CNTNAP2: variants seen among roughly 807,000 people sequenced by gnomAD.
The protein encoded by CNTNAP2 is contactin associated protein 2.
A neutral mutation model predicts 155.2 loss-of-function variants in CNTNAP2; 98 were observed. The ratio of observed to expected loss-of-function variants is 0.63; its 90% CI spans 0.54 to 0.75. The LOEUF (loss-of-function observed/expected upper bound fraction) is 0.75, where lower values mean the gene tolerates loss of function less well. Ranked by LOEUF, CNTNAP2 falls within the 30% of genes least tolerant of loss-of-function variation. The probability of loss-of-function intolerance (pLI) is 0.00; values close to 1 mark genes in which losing one functional copy is unlikely to be tolerated. For synonymous variants in CNTNAP2, 651 were observed against 631.2 expected, an observed-to-expected ratio of 1.03 and a Z score of -0.47; for missense variants, 1,727 against 1,688.1, an observed-to-expected ratio of 1.02 and a Z score of -0.40.
intron 14 of CNTNAP2, among the ~76,000 whole-genome samples, chr7:147,944,457 C>G (rs1248933894): frequency 6.6e-6 from 1 of 152,210 alleles, no homozygotes; most frequent in Admixed American, 6.5e-5. Flanking sequence ...GCATTTCCTG[C>G]TTCTCACAAG....
At chr7:147,143,550 T>C (rs1232023108) in intron 8 of CNTNAP2, among the ~76,000 whole-genome samples, 1 of 152,168 alleles carries the variant, frequency 6.6e-6, no homozygotes, top group East Asian at 1.9e-4. Context: ...TATGGCATGT[T>C]TCTAGATATC....
At chr7:148,364,495 G>A (rs189514971) in intron 21 of CNTNAP2, among the ~76,000 whole-genome samples, 5 of 152,080 alleles carry the variant, frequency 3.3e-5, no homozygotes, top group East Asian at 1.9e-4. Context: ...TACACCAATC[G>A]GCACTCTGTA....
chr7:146,399,997 G>A (rs1795690741), intron 1 of CNTNAP2, among the ~76,000 whole-genome samples: 1 of 152,052 alleles, frequency 6.6e-6, no homozygotes, highest in South Asian at 2.1e-4. Context: ...GAACTAGGTG[G>A]TTAACTGCAG....
intron 12 of CNTNAP2, among the ~76,000 whole-genome samples, chr7:147,583,290 T>A (rs10244825): frequency 0.69 from 104,573 of 151,550 alleles, 36,640 homozygotes; most frequent in African/African-American, 0.81. Context: ...TGAAAGGAAT[T>A]ACATAAATCA....
chr7:147,323,367 T>C (rs1047260320), intron 9 of CNTNAP2, among the ~76,000 whole-genome samples: 2 of 126,240 alleles, frequency 1.6e-5, no homozygotes, highest in African/African-American at 3.1e-5. Context: ...TTGTTCAGTT[T>C]CCATGTAGTT....
At chr7:146,520,220 T>C (rs1352957349) in intron 1 of CNTNAP2, among the ~76,000 whole-genome samples, 1 of 150,070 alleles carries the variant, frequency 6.7e-6, no homozygotes, top group Non-Finnish European at 1.5e-5. Context: ...GGCAAAAAAA[T>C]CTACTAATTT....
intron 3 of CNTNAP2, among the ~76,000 whole-genome samples, chr7:146,975,071 A>G (rs1797882423): frequency 6.6e-6 from 1 of 152,248 alleles, no homozygotes; most frequent in African/African-American, 2.4e-5. Context: ...AGTTGTTTGA[A>G]GTCTCTGGTT....
At chr7:147,568,563 G>T (rs918764500) in intron 12 of CNTNAP2, among the ~76,000 whole-genome samples, 1 of 152,052 alleles carries the variant, frequency 6.6e-6, no homozygotes, top group African/African-American at 2.4e-5. Flanking sequence ...AGATCTTAGG[G>T]TACATGATAA....
chr7:147,144,314 T>G (rs1427760164), intron 8 of CNTNAP2, among the ~76,000 whole-genome samples: 1 of 152,174 alleles, frequency 6.6e-6, no homozygotes, highest in African/African-American at 2.4e-5. Flanking sequence ...GAAGTAAATT[T>G]CACCCCCACC....
intron 1 of CNTNAP2, among the ~76,000 whole-genome samples, chr7:146,233,979 C>T (rs898708869): frequency 6.6e-6 from 1 of 150,568 alleles, no homozygotes; most frequent in Non-Finnish European, 1.5e-5. Context: ...GGGAATATAC[C>T]CAGTAATGGG....
intron 4 of CNTNAP2, among the ~76,000 whole-genome samples, chr7:147,089,086 C>T (rs796924532): frequency 7.9e-5 from 12 of 152,272 alleles, no homozygotes; most frequent in South Asian, 6.2e-4. Context: ...CCTGGCTGTC[C>T]GCCCAAGATG....
At chr7:148,142,967 C>T (rs1015988319) in intron 16 of CNTNAP2, among the ~76,000 whole-genome samples, 4 of 152,208 alleles carry the variant, frequency 2.6e-5, no homozygotes, top group African/African-American at 9.6e-5. Flanking sequence ...AAAGTAATTT[C>T]TTCCACCTAT....
intron 3 of CNTNAP2, among the ~76,000 whole-genome samples, chr7:146,848,422 A>G (rs1412010492): frequency 6.6e-6 from 1 of 152,224 alleles, no homozygotes; most frequent in Non-Finnish European, 1.5e-5. Context: ...AAACAGACCA[A>G]AACACAAGCA....
intron 1 of CNTNAP2, among the ~76,000 whole-genome samples, chr7:146,297,699 T>G (rs1359330492): frequency 6.6e-6 from 1 of 152,168 alleles, no homozygotes; most frequent in Non-Finnish European, 1.5e-5. Flanking sequence ...TGTATAGTAA[T>G]TGGCATTAAT....
At chr7:147,554,180 T>C (rs1213071356) in intron 11 of CNTNAP2, among the ~76,000 whole-genome samples, 3 of 152,168 alleles carry the variant, frequency 2.0e-5, no homozygotes, top group African/African-American at 7.2e-5. Flanking sequence ...TATAACCTAA[T>C]AGTAACCCTG....
In CNTNAP2 at chr7:146,279,419, C is replaced by A. The variant is rs565967206; in HGVS notation, c.97+162446C>A. Reference sequence around the variant, plus strand: ...GTTCTTGTTACTTCATTAAAAAATTCATTTCCTTAAACACACACACACACA... The same window carrying A: ...GTTCTTGTTACTTCATTAAAAAATTAATTTCCTTAAACACACACACACACA... On this transcript the variant is annotated intron_variant, in intron 1 of 23. Transcript: ENST00000361727. 2.8e-5 allele frequency among the ~76,000 whole-genome samples: 4 copies of A among 145,346 alleles called. No homozygotes were observed. In the South Asian group the frequency reaches 6.4e-4, roughly 23 times the overall value.
At position 146,402,912 on chromosome 7, in the gene CNTNAP2, A is replaced by G. The variant is rs6958019; in HGVS notation, c.97+285939A>G. 2.5e-3 allele frequency among the ~76,000 whole-genome samples: 373 copies of G among 152,232 alleles called. 2 individuals carry two copies. Among genetic ancestry groups the G allele is most frequent in the African/African-American group, 8.7e-3 (361 of 41,570 alleles). On this transcript the variant is annotated intron_variant, in intron 1 of 23. Transcript: ENST00000361727. ...CATAATTATAGTTTACACTTGCATAATTGCATTTTTATACTTTTGCCTTAT... is the reference window on the plus strand; with the variant it reads ...CATAATTATAGTTTACACTTGCATAGTTGCATTTTTATACTTTTGCCTTAT...
chr7:146,737,558 A>G (rs555237929), intron 1 of CNTNAP2, among the ~76,000 whole-genome samples: 53 of 152,260 alleles, frequency 3.5e-4, no homozygotes, highest in African/African-American at 1.3e-3. Context: ...CCTTATGTAC[A>G]GGTTATACAT....
At chr7:148,295,984 G>A (rs953537062) in intron 21 of CNTNAP2, among the ~76,000 whole-genome samples, 1 of 152,090 alleles carries the variant, frequency 6.6e-6, no homozygotes, top group African/African-American at 2.4e-5. Flanking sequence ...ACATGCAAAA[G>A]ATAACTCTTA....
Sources: allele counts gnomAD v4.1 joint callset (sites outside exome capture counted in the v4.1 genomes callset), GRCh38; gene constraint gnomAD v4.1.1; transcripts MANE v1.5; gene names NCBI Gene and HGNC (gene_info 2026-07-23, HGNC 2026-07-21).